TMEFF2: variants seen among roughly 807,000 people sequenced by gnomAD.
TMEFF2 encodes tomoregulin-2.
Under a neutral mutation model 53.8 loss-of-function variants are expected in TMEFF2, and 28 were observed. The observed-to-expected ratio is 0.52, with a 90% confidence interval of 0.39 to 0.71. TMEFF2 has a LOEUF of 0.71. Ranked by LOEUF, TMEFF2 falls within the 30% of genes least tolerant of loss-of-function variation. The probability of loss-of-function intolerance (pLI) is 0.00; values close to 1 mark genes in which losing one functional copy is unlikely to be tolerated. For synonymous variants in TMEFF2, 162 were observed against 166.3 expected (o/e 0.97, Z 0.20); for missense variants, 353 against 455.2 (o/e 0.78, Z 2.04).
rs150867212 is a variant in TMEFF2, at chr2:192,068,359, T to C, written c.440-10584A>G. Among the ~76,000 whole-genome samples the C allele has an allele frequency of 8.5e-3, 1,292 of 152,024 alleles. 11 individuals are homozygous for C. The highest frequency in any genetic ancestry group is 0.02 in the Middle Eastern group (6 of 294). On this transcript the variant is annotated intron_variant, in intron 4 of 9. Transcript: ENST00000272771. ...CCTTATAATGATGCTGAAGTAGAAA[T>C]CTTTGTATGAACAGAGGAATAAGAA...
intron 4 of TMEFF2, among the ~76,000 whole-genome samples, chr2:192,119,997 C>G (rs1261848706): frequency 6.6e-6 from 1 of 152,142 alleles, no homozygotes; most frequent in African/African-American, 2.4e-5. Context: ...AAACTGCTCT[C>G]TAGTAAATAT....
chr2:192,099,616 A>G (rs1049017190), intron 4 of TMEFF2, among the ~76,000 whole-genome samples: 1 of 152,168 alleles, frequency 6.6e-6, no homozygotes, highest in African/African-American at 2.4e-5. Flanking sequence ...CAGATGGCCC[A>G]TATACGAAGC....
intron 4 of TMEFF2, among the ~76,000 whole-genome samples, chr2:192,109,887 C>G (rs550336102): frequency 6.6e-6 from 1 of 152,094 alleles, no homozygotes; most frequent in African/African-American, 2.4e-5. Flanking sequence ...AAGTCTGAAC[C>G]TCAGAGAATT....
At chr2:192,106,019 A>G (rs1054144564) in intron 4 of TMEFF2, among the ~76,000 whole-genome samples, 2 of 151,906 alleles carry the variant, frequency 1.3e-5, no homozygotes, top group Admixed American at 1.3e-4. Context: ...TCTTGGGAAG[A>G]ACACTTGCAT....
intron 4 of TMEFF2, among the ~76,000 whole-genome samples, chr2:192,124,877 C>A (rs747371237): frequency 3.9e-5 from 6 of 152,138 alleles, no homozygotes; most frequent in Non-Finnish European, 7.4e-5. Flanking sequence ...CTACCATGTC[C>A]CTTGGAAAGA....
intron 4 of TMEFF2, among the ~76,000 whole-genome samples, chr2:192,147,505 G>A (rs1690282898): frequency 1.4e-5 from 2 of 144,328 alleles, no homozygotes; most frequent in Non-Finnish European, 3.0e-5. Context: ...AACAGGCCCC[G>A]GTGTGTGATG....
chr2:191,969,343 A>G (rs1448197838), intron 7 of TMEFF2, among the ~76,000 whole-genome samples: 1 of 152,078 alleles, frequency 6.6e-6, no homozygotes, highest in Non-Finnish European at 1.5e-5. Context: ...CCAGCTCATC[A>G]CCACTTCAGT....
At chr2:192,047,010 T>C (rs948922970) in intron 5 of TMEFF2, among the ~76,000 whole-genome samples, 1 of 152,038 alleles carries the variant, frequency 6.6e-6, no homozygotes, top group Admixed American at 6.6e-5. Context: ...AGCCTCTGCC[T>C]CCCAGGTTCA....
At chr2:192,043,264 A>G (rs547340096) in intron 5 of TMEFF2, among the ~76,000 whole-genome samples, 2 of 152,332 alleles carry the variant, frequency 1.3e-5, no homozygotes, top group South Asian at 4.1e-4. Context: ...AGCCTACATC[A>G]TAAAAAAAGA....
rs558672884 is a variant in TMEFF2 at position 191,956,388 on chromosome 2, C to G, written c.746-10G>C. ...AATTTGTTAGCATTCTCTGTGAATA[C>G]AGATAAAAGTAAGCACCCCCTGTAA... On this transcript the variant is annotated splice_polypyrimidine_tract_variant and intron_variant, in intron 7 of 9. Coordinates refer to ENST00000272771, the MANE Select transcript of TMEFF2 (RefSeq NM_016192.4). The G allele has an allele frequency of 1.9e-6, 3 of 1,610,550 alleles. No individual in the cohort carries two copies. Among genetic ancestry groups the G allele is most frequent in the Non-Finnish European group, 2.5e-6 (3 of 1,178,698 alleles).
At chr2:192,077,530 C>T (rs985929251) in intron 4 of TMEFF2, among the ~76,000 whole-genome samples, 2 of 151,796 alleles carry the variant, frequency 1.3e-5, no homozygotes, top group African/African-American at 2.4e-5. Flanking sequence ...TAATGAGAAA[C>T]AATAATCATT....
chr2:192,026,931 C>T (rs569252674), intron 5 of TMEFF2, among the ~76,000 whole-genome samples: 219 of 152,306 alleles, frequency 1.4e-3, no homozygotes, highest in Middle Eastern at 3.4e-3. Context: ...ATTAAAAGGG[C>T]GTAGCTCCCC....
intron 1 of TMEFF2, among the ~76,000 whole-genome samples, chr2:192,193,593 G>A (rs928353174): frequency 2.0e-5 from 3 of 152,150 alleles, no homozygotes; most frequent in African/African-American, 7.2e-5. Context: ...ACCAGCCTCA[G>A]TCATGCCCAC....
At chr2:192,061,470 A>G (rs77048326) in intron 4 of TMEFF2, among the ~76,000 whole-genome samples, 17,566 of 152,148 alleles carry the variant, frequency 0.12, 1,201 homozygotes, top group East Asian at 0.34. Context: ...TAATCTAGAG[A>G]TGATTTAAAT....
chr2:192,042,396 T>C (rs1265273879), intron 5 of TMEFF2, among the ~76,000 whole-genome samples: 2 of 152,140 alleles, frequency 1.3e-5, no homozygotes, highest in Admixed American at 1.3e-4. Flanking sequence ...ATCTTTGAAG[T>C]GCAGTAAAGC....
At chr2:192,175,665 A>G (rs1044814293) in intron 4 of TMEFF2, among the ~76,000 whole-genome samples, 1 of 151,498 alleles carries the variant, frequency 6.6e-6, no homozygotes, top group Non-Finnish European at 1.5e-5. Flanking sequence ...TATCTCATGA[A>G]ATAAAAATAT....
At chr2:192,075,288 T>TATATATATATATATAAATATATATAA (rs1574349780) in intron 4 of TMEFF2, among the ~76,000 whole-genome samples, 1 of 5,636 alleles carries the variant, frequency 1.8e-4, no homozygotes, top group African/African-American at 4.2e-4. Flanking sequence ...AGTACTATTA[T>TATATATATATATATAAATATATATAA]ATATATATAT....
chr2:192,012,258 A>G (rs538930394), intron 5 of TMEFF2, among the ~76,000 whole-genome samples: 44 of 152,370 alleles, frequency 2.9e-4, no homozygotes, highest in African/African-American at 1.1e-3. Flanking sequence ...GTCACACTAT[A>G]TATGGACATA....
intron 4 of TMEFF2, among the ~76,000 whole-genome samples, chr2:192,155,744 G>T (rs1485127552): frequency 2.6e-5 from 4 of 152,020 alleles, no homozygotes; most frequent in Non-Finnish European, 5.9e-5. Flanking sequence ...ACAACAAAGA[G>T]AACTGCCAAG....
Sources: allele counts gnomAD v4.1 joint callset (sites outside exome capture counted in the v4.1 genomes callset), GRCh38; gene constraint gnomAD v4.1.1; transcripts MANE v1.5; gene names NCBI Gene and HGNC (gene_info 2026-07-23, HGNC 2026-07-21).